The following PHF21A variants were observed in gnomAD, a reference collection of about 807,000 sequenced individuals.
The protein encoded by PHF21A is BHC80a.
A neutral mutation model predicts 82.5 loss-of-function variants in PHF21A; 11 were observed. That is an observed-to-expected ratio of 0.13 (90% CI 0.08 to 0.22). PHF21A has a LOEUF of 0.22. Among genes scored for constraint, PHF21A ranks in the 10% least tolerant of loss-of-function variants. PHF21A has a pLI of 1.00. For synonymous variants in PHF21A, 297 were observed against 302.8 expected (o/e 0.98, Z 0.20); for missense variants, 579 against 837.8 (o/e 0.69, Z 3.81).
At chr11:45,980,095 G>T (rs2094214689) in intron 6 of PHF21A, 129 bp from the exon 7 acceptor site, 5 of 1,333,460 alleles carry the variant, frequency 3.7e-6, no homozygotes, top group Admixed American at 2.4e-5. Context: ...ATTTACACAG[G>T]TTCTACATAT....
chr11:46,109,294 G>A (rs2097185180), intron 1 of PHF21A, among the ~76,000 whole-genome samples: 1 of 152,104 alleles, frequency 6.6e-6, no homozygotes, highest in South Asian at 2.1e-4. Context: ...TTGCTGTGAG[G>A]ATTAAAACTA....
intron 6 of PHF21A, among the ~76,000 whole-genome samples, chr11:46,071,352 G>A (rs1218402103): frequency 1.3e-5 from 2 of 152,186 alleles, no homozygotes; most frequent in African/African-American, 2.4e-5. Context: ...GGCAAGTTCA[G>A]CCAGCCCACA....
At chr11:46,059,759 CT>C (rs2096509378) in intron 6 of PHF21A, among the ~76,000 whole-genome samples, 1 of 152,152 alleles carries the variant, frequency 6.6e-6, no homozygotes, top group Non-Finnish European at 1.5e-5. Context: ...CAGAGTCTCA[CT>C]CTGTTGCCCA....
chr11:46,121,363 G>A lies in PHF21A; in HGVS notation c.-665C>T, dbSNP rs1566112952. On this transcript the variant is annotated 5_prime_UTR_variant, in exon 1 of 19. Coordinates refer to ENST00000676320, the MANE Select transcript of PHF21A (RefSeq NM_001352027.3). ...GAGCAGCAGGAGAGAAACTGTAGGA[G>A]ACAAACAAGCCCAACTCTTCATCCT... Among the ~76,000 whole-genome samples the A allele has an allele frequency of 6.6e-6, 1 of 150,398 alleles. No individual in the cohort carries two copies. The highest frequency in any genetic ancestry group is 1.5e-5 in the Non-Finnish European group (1 of 67,362).
intron 6 of PHF21A, among the ~76,000 whole-genome samples, chr11:46,051,222 T>C (rs914957408): frequency 1.3e-4 from 20 of 152,340 alleles, no homozygotes; most frequent in African/African-American, 4.8e-4. Context: ...ATACTAGATC[T>C]AATCATTGCT....
At chr11:45,958,445 T>TACAC (rs1280689117) in intron 10 of PHF21A, among the ~76,000 whole-genome samples, 78 of 15,358 alleles carry the variant, frequency 5.1e-3, no homozygotes, top group African/African-American at 7.1e-3. Flanking sequence ...TATATATATA[T>TACAC]ATATACACAC....
At chr11:46,005,038 CATGT>C (rs924973680) in intron 6 of PHF21A, among the ~76,000 whole-genome samples, 1 of 152,136 alleles carries the variant, frequency 6.6e-6, no homozygotes, top group African/African-American at 2.4e-5. Context: ...TTAACACATG[CATGT>C]ATACACCCAA....
chr11:46,044,676 C>G (rs2096226707), intron 6 of PHF21A, among the ~76,000 whole-genome samples: 1 of 152,062 alleles, frequency 6.6e-6, no homozygotes, highest in African/African-American at 2.4e-5. Flanking sequence ...CATTTCTAAG[C>G]AAACAGGCCA....
chr11:46,084,575 A>C (rs1175486646), intron 3 of PHF21A, among the ~76,000 whole-genome samples: 1 of 152,206 alleles, frequency 6.6e-6, no homozygotes, highest in East Asian at 1.9e-4. Flanking sequence ...TAATCACTAC[A>C]TACTGAGGAT....
chr11:45,992,542 G>A (rs910447062), intron 6 of PHF21A, among the ~76,000 whole-genome samples: 1 of 152,088 alleles, frequency 6.6e-6, no homozygotes, highest in African/African-American at 2.4e-5. Context: ...GCGAGACTCC[G>A]TCTCAAAAAA....
intron 6 of PHF21A, among the ~76,000 whole-genome samples, chr11:46,069,606 T>C (rs2096633256): frequency 6.6e-6 from 1 of 152,240 alleles, no homozygotes; most frequent in Non-Finnish European, 1.5e-5. Context: ...ATGTAATTAT[T>C]TTGCCTAATG....
intron 1 of PHF21A, among the ~76,000 whole-genome samples, chr11:46,115,598 G>C (rs1195871625): frequency 6.6e-6 from 1 of 151,934 alleles, no homozygotes; most frequent in Non-Finnish European, 1.5e-5. Context: ...AGAATTCTTA[G>C]GCCTATAAAA....
intron 10 of PHF21A, among the ~76,000 whole-genome samples, chr11:45,960,788 G>T (rs2135791947): frequency 6.6e-6 from 1 of 152,320 alleles, no homozygotes; most frequent in Admixed American, 6.5e-5. Flanking sequence ...TATAAACCAT[G>T]ATGCAGACTC....
chr11:46,116,415 G>A (rs1219536815), intron 1 of PHF21A, among the ~76,000 whole-genome samples: 1 of 152,124 alleles, frequency 6.6e-6, no homozygotes, highest in Non-Finnish European at 1.5e-5. Context: ...CATGACATCT[G>A]TTACTCTGTC....
intron 1 of PHF21A, among the ~76,000 whole-genome samples, chr11:46,107,000 T>C (rs541947954): frequency 1.3e-3 from 199 of 152,336 alleles, no homozygotes; most frequent in Non-Finnish European, 2.5e-3. Context: ...TTTTACCAAC[T>C]GTCCTCCAGC....
chr11:46,085,493 A>G (rs544048155), intron 3 of PHF21A, among the ~76,000 whole-genome samples: 1 of 152,260 alleles, frequency 6.6e-6, no homozygotes, highest in South Asian at 2.1e-4. Context: ...GTGGCCTTAG[A>G]CATGATTTTA....
intron 6 of PHF21A, among the ~76,000 whole-genome samples, chr11:46,045,283 T>A (rs2096240368): frequency 6.6e-6 from 1 of 152,180 alleles, no homozygotes; most frequent in South Asian, 2.1e-4. Flanking sequence ...TCTTTTTCCC[T>A]ATGAAAGATC....
chr11:45,957,751 CAAAAAAA>C, intron 10 of PHF21A, among the ~76,000 whole-genome samples: 104 of 60,916 alleles, frequency 1.7e-3, no homozygotes, highest in African/African-American at 3.9e-3. Flanking sequence ...AAATTCAAAG[CAAAAAAA>C]AAAAAAAAAA....
chr11:45,934,390 C>A (rs2088278735), intron 18 of PHF21A, 165 bp from the exon 19 acceptor site: 4 of 665,228 alleles, frequency 6.0e-6, no homozygotes, highest in Admixed American at 3.0e-5. Context: ...GGGCGGCTAC[C>A]ACCTAAGGAA....
Sources: gnomAD v4.1 joint callset for allele counts (sites outside exome capture counted in the v4.1 genomes callset) on GRCh38, gnomAD v4.1.1 for gene constraint, MANE v1.5 for transcripts, NCBI Gene and HGNC (gene_info 2026-07-23, HGNC 2026-07-21) for gene names.